Variants in LRRC4C observed in about 807,000 individuals in gnomAD.
The protein encoded by LRRC4C is leucine-rich repeat-containing protein 4C.
A neutral mutation model predicts 33.6 loss-of-function variants in LRRC4C; 5 were observed. The observed-to-expected ratio is 0.15, with a 90% CI of 0.08 to 0.31. LRRC4C has a LOEUF of 0.31. LRRC4C is among the 10% of genes least tolerant of loss of function. LRRC4C has a pLI of 1.00. For missense variants in LRRC4C, 560 were observed against 796.7 expected, an observed-to-expected ratio of 0.70 and a Z score of 3.58; for synonymous variants, 329 against 302.0, an observed-to-expected ratio of 1.09 and a Z score of -0.93.
chr11:41,129,604 AT>A (rs1235155610), intron 1 of LRRC4C, among the ~76,000 whole-genome samples: 1 of 151,724 alleles, frequency 6.6e-6, no homozygotes, highest in African/African-American at 2.4e-5. Flanking sequence ...GCCTCAATGG[AT>A]TATTTTTCCT....
chr11:41,039,666 C>G (rs536130917), intron 1 of LRRC4C, among the ~76,000 whole-genome samples: 1 of 152,206 alleles, frequency 6.6e-6, no homozygotes, highest in African/African-American at 2.4e-5. Flanking sequence ...TCTTAACATA[C>G]CAGGAAATCT....
At chr11:40,178,167 C>T (rs569717188) in intron 5 of LRRC4C, among the ~76,000 whole-genome samples, 8 of 152,206 alleles carry the variant, frequency 5.3e-5, no homozygotes, top group East Asian at 3.9e-4. Context: ...CTGTACTACC[C>T]GATGGCAAGA....
chr11:41,073,666 G>A (rs1207254855), intron 1 of LRRC4C, among the ~76,000 whole-genome samples: 1 of 152,148 alleles, frequency 6.6e-6, no homozygotes, highest in Non-Finnish European at 1.5e-5. Context: ...ATATATATGT[G>A]CAAGATGAAT....
chr11:40,689,895 T>C (rs773837190), intron 2 of LRRC4C, among the ~76,000 whole-genome samples: 1 of 152,110 alleles, frequency 6.6e-6, no homozygotes, highest in African/African-American at 2.4e-5. Flanking sequence ...GGGTGATTTC[T>C]CTCCTTACCC....
At chr11:40,871,773 C>A (rs916274088) in intron 2 of LRRC4C, among the ~76,000 whole-genome samples, 1 of 152,118 alleles carries the variant, frequency 6.6e-6, no homozygotes, top group Non-Finnish European at 1.5e-5. Context: ...ATGAGTCACA[C>A]GCTGTACTTT....
chr11:40,796,630 GAACTCT>G (rs754476635), intron 2 of LRRC4C, among the ~76,000 whole-genome samples: 1 of 136,652 alleles, frequency 7.3e-6, no homozygotes, highest in Admixed American at 7.3e-5. Flanking sequence ...GGGCTAAGCA[GAACTCT>G]TTTTTTTTTT....
chr11:40,371,779 T>G (rs2137264526), intron 3 of LRRC4C, among the ~76,000 whole-genome samples: 1 of 152,272 alleles, frequency 6.6e-6, no homozygotes, highest in Non-Finnish European at 1.5e-5. Flanking sequence ...TGCTATAGAA[T>G]ATTGAGGCAC....
At chr11:40,549,876 T>G (rs903586060) in intron 3 of LRRC4C, among the ~76,000 whole-genome samples, 1 of 152,130 alleles carries the variant, frequency 6.6e-6, no homozygotes, top group African/African-American at 2.4e-5. Context: ...AGGTGACACA[T>G]GGATGCTAAT....
At chr11:40,275,104 C>A (rs1291962858) in intron 4 of LRRC4C, among the ~76,000 whole-genome samples, 1 of 152,098 alleles carries the variant, frequency 6.6e-6, no homozygotes, top group Non-Finnish European at 1.5e-5. Context: ...TAATCATTCA[C>A]CTTTAACAAG....
chr11:41,217,760 G>T (rs542629742), intron 1 of LRRC4C, among the ~76,000 whole-genome samples: 1 of 152,194 alleles, frequency 6.6e-6, no homozygotes, highest in African/African-American at 2.4e-5. Flanking sequence ...TTGCTTCTGT[G>T]ATGAATATGT....
chr11:40,642,409 A>G (rs1023224278), intron 3 of LRRC4C, among the ~76,000 whole-genome samples: 3 of 152,162 alleles, frequency 2.0e-5, no homozygotes, highest in Admixed American at 6.5e-5. Flanking sequence ...ATTACTTCCC[A>G]TCAGCTGAAT....
intron 1 of LRRC4C, among the ~76,000 whole-genome samples, chr11:41,034,640 A>ATATATATATAT (rs1565321331): frequency 8.4e-6 from 1 of 119,144 alleles, no homozygotes; most frequent in African/African-American, 3.4e-5. Flanking sequence ...TATATATATG[A>ATATATATATAT]GGTGAGAGTT....
At chr11:41,337,462 G>A (rs1951493424) in intron 1 of LRRC4C, among the ~76,000 whole-genome samples, 1 of 152,156 alleles carries the variant, frequency 6.6e-6, no homozygotes, top group Admixed American at 6.5e-5. Context: ...TTAATAAATG[G>A]TGCTGGGAAA....
At chr11:40,687,749 A>G (rs1185515875) in intron 2 of LRRC4C, among the ~76,000 whole-genome samples, 1 of 152,158 alleles carries the variant, frequency 6.6e-6, no homozygotes, top group East Asian at 1.9e-4. Flanking sequence ...TAAATGTGAT[A>G]AAATAATGAG....
chr11:40,302,519 A>C (rs953072662), intron 4 of LRRC4C, among the ~76,000 whole-genome samples: 1 of 152,070 alleles, frequency 6.6e-6, no homozygotes, highest in Non-Finnish European at 1.5e-5. Context: ...GAAGAGGCCC[A>C]TCCTTCTTTT....
At chr11:41,145,695 A>C (rs994756011) in intron 1 of LRRC4C, among the ~76,000 whole-genome samples, 3 of 152,132 alleles carry the variant, frequency 2.0e-5, no homozygotes, top group Non-Finnish European at 4.4e-5. Flanking sequence ...TTTGAATATA[A>C]ATACAGTGCC....
At chr11:41,294,896 G>A (rs1591182907) in intron 1 of LRRC4C, among the ~76,000 whole-genome samples, 1 of 152,162 alleles carries the variant, frequency 6.6e-6, no homozygotes, top group East Asian at 1.9e-4. Flanking sequence ...GTTCTGAGTA[G>A]GCTAAATAAA....
chr11:41,413,252 G>T (rs1016097177), intron 1 of LRRC4C, among the ~76,000 whole-genome samples: 1 of 152,136 alleles, frequency 6.6e-6, no homozygotes, highest in Non-Finnish European at 1.5e-5. Flanking sequence ...ATTCTGCAAA[G>T]ATTCCATTTT....
chr11:40,697,387 T>A (rs1188422951), intron 2 of LRRC4C, among the ~76,000 whole-genome samples: 1 of 152,138 alleles, frequency 6.6e-6, no homozygotes, highest in African/African-American at 2.4e-5. Flanking sequence ...CCAAAAAAAA[T>A]TATGTAGATG....
Sources: allele counts gnomAD v4.1 joint callset (sites outside exome capture counted in the v4.1 genomes callset), GRCh38; gene constraint gnomAD v4.1.1; transcripts MANE v1.5; gene names NCBI Gene and HGNC (gene_info 2026-07-23, HGNC 2026-07-21).